The following CALN1 variants were observed in gnomAD, a reference collection of about 807,000 sequenced individuals.
The protein encoded by CALN1 is calneuron 1, also known as calcium-binding protein 8.
A neutral mutation model predicts 30.6 loss-of-function variants in CALN1; 17 were observed. The ratio of observed to expected loss-of-function variants is 0.56; its 90% CI spans 0.38 to 0.83. CALN1 has a LOEUF of 0.83. CALN1 is among the 40% of genes least tolerant of loss of function. The probability of loss-of-function intolerance (pLI) is 0.00; values close to 1 mark genes in which losing one functional copy is unlikely to be tolerated. For missense variants in CALN1, 291 were observed against 354.9 expected (o/e 0.82, Z 1.45); for synonymous variants, 156 against 131.4 (o/e 1.19, Z -1.28).
chr7:72,279,157 T>A (rs768221696), intron 2 of CALN1, among the ~76,000 whole-genome samples: 3 of 152,174 alleles, frequency 2.0e-5, no homozygotes, highest in Non-Finnish European at 4.4e-5. Context: ...CCCGATAAAT[T>A]CTCACTTGAT....
the CALN1 span, among the ~76,000 whole-genome samples, chr7:72,496,237 C>T: frequency 0.16 from 23,581 of 152,100 alleles, 2,022 homozygotes; most frequent in African/African-American, 0.21. Context: ...CCAATTCTTA[C>T]ACCTTTTCCT....
intron 1 of CALN1, among the ~76,000 whole-genome samples, chr7:72,439,433 T>C (rs1808278346): frequency 6.6e-6 from 1 of 152,148 alleles, no homozygotes; most frequent in Admixed American, 6.5e-5. Flanking sequence ...ATATGTTGTG[T>C]GTTACATGTA....
At chr7:71,905,263 A>G (rs548458785) in intron 5 of CALN1, among the ~76,000 whole-genome samples, 1 of 151,986 alleles carries the variant, frequency 6.6e-6, no homozygotes, top group Non-Finnish European at 1.5e-5. Flanking sequence ...TTAAAATTAT[A>G]TTTCAATAGC....
chr7:72,334,206 G>A (rs1237282817), intron 2 of CALN1, among the ~76,000 whole-genome samples: 6 of 152,154 alleles, frequency 3.9e-5, no homozygotes, highest in South Asian at 2.1e-4. Flanking sequence ...GGCTTTAAAC[G>A]TCCAAAGTCT....
chr7:72,393,186 G>T (rs549850447), intron 2 of CALN1, among the ~76,000 whole-genome samples: 1 of 152,042 alleles, frequency 6.6e-6, no homozygotes, highest in Non-Finnish European at 1.5e-5. Flanking sequence ...CTAGCACTCC[G>T]GCTGGGCGCA....
intron 3 of CALN1, among the ~76,000 whole-genome samples, chr7:72,242,709 G>T (rs530791827): frequency 3.3e-5 from 5 of 152,076 alleles, no homozygotes; most frequent in Non-Finnish European, 7.4e-5. Flanking sequence ...CCAACATGGT[G>T]AAACCCCATT....
At chr7:71,944,536 G>A (rs1299493304) in intron 5 of CALN1, among the ~76,000 whole-genome samples, 2 of 134,546 alleles carry the variant, frequency 1.5e-5, no homozygotes. Flanking sequence ...AGAGGTTGCA[G>A]TGAGCCGAAA....
chr7:72,106,093 G>T, intron 4 of CALN1, 58 bp downstream of exon 4: 1 of 1,582,198 alleles, frequency 6.3e-7, no homozygotes, highest in South Asian at 1.1e-5. Context: ...TAAACCGAAG[G>T]TCTCACTGAT....
intron 5 of CALN1, among the ~76,000 whole-genome samples, chr7:71,843,304 T>G (rs749070651): frequency 6.6e-6 from 1 of 152,132 alleles, no homozygotes; most frequent in Non-Finnish European, 1.5e-5. Flanking sequence ...ACTACATCAA[T>G]GCACTCATTG....
At chr7:72,486,476 A>AT in the CALN1 span, among the ~76,000 whole-genome samples, 1 of 152,008 alleles carries the variant, frequency 6.6e-6, no homozygotes, top group South Asian at 2.1e-4. Flanking sequence ...GGTTCAAGTG[A>AT]TTATCCTGCC....
At chr7:71,985,053 C>T (rs1798591569) in intron 5 of CALN1, among the ~76,000 whole-genome samples, 1 of 152,112 alleles carries the variant, frequency 6.6e-6, no homozygotes, top group Non-Finnish European at 1.5e-5. Context: ...CACTGAGTTA[C>T]TCCATGTAAG....
chr7:72,056,041 T>G lies in CALN1; in HGVS notation c.389-32272A>C, dbSNP rs139454298. ...TCTCAATTAAAAAATAAAAGACATT[T>G]AGGACCCATATGAAGAAACCTATAC... is the stretch of plus-strand genomic sequence containing the variant. On this transcript the variant is annotated intron_variant, in intron 4 of 6. Coordinates refer to ENST00000395275, the MANE Select transcript of CALN1 (RefSeq NM_031468.4). 2.6e-4 allele frequency among the ~76,000 whole-genome samples: 40 copies of G among 152,184 alleles called. No individual in the cohort carries two copies. The East Asian group carries it at 3.9e-3, about 15-fold the overall frequency.
intron 4 of CALN1, among the ~76,000 whole-genome samples, chr7:72,053,285 C>G (rs923002945): frequency 6.6e-6 from 1 of 152,118 alleles, no homozygotes; most frequent in Non-Finnish European, 1.5e-5. Flanking sequence ...CAGAGTACAC[C>G]AAAGACTCCC....
intron 4 of CALN1, among the ~76,000 whole-genome samples, chr7:72,038,128 C>T (rs1801913014): frequency 6.6e-6 from 1 of 152,056 alleles, no homozygotes; most frequent in Non-Finnish European, 1.5e-5. Flanking sequence ...GAACACACGT[C>T]CCTGATATTT....
chr7:71,973,428 G>T (rs576109579), intron 5 of CALN1, among the ~76,000 whole-genome samples: 1 of 152,106 alleles, frequency 6.6e-6, no homozygotes, highest in Non-Finnish European at 1.5e-5. Flanking sequence ...CATCCGTCTC[G>T]GCCTCCCAAA....
chr7:72,181,096 A>C (rs1554308576), intron 3 of CALN1, among the ~76,000 whole-genome samples: 25 of 74,570 alleles, frequency 3.4e-4, no homozygotes, highest in South Asian at 5.8e-4. Context: ...AAACTGCATA[A>C]CCCCCCCCCC....
rs1489826287 is a variant in CALN1 at position 72,249,960 on chromosome 7, AG to A, written c.244+28725del. Among the ~76,000 whole-genome samples the A allele has an allele frequency of 6.2e-3, 829 of 134,590 alleles. 6 individuals are homozygous for A. Among genetic ancestry groups the A allele is most frequent in the Middle Eastern group, 0.021 (5 of 238 alleles). 88.3% of individuals were successfully genotyped at this position (134,590 alleles called of 152,430 possible). On this transcript the variant is annotated intron_variant, in intron 3 of 6. Coordinates refer to ENST00000395275, the MANE Select transcript of CALN1 (RefSeq NM_031468.4). ...TCAAAACAAACCAAAAAAAAAAAAA[AG>A]AGAGAGAGAGAGAGAGAGAAATAGA...
At chr7:71,966,502 A>G (rs1797537419) in intron 5 of CALN1, among the ~76,000 whole-genome samples, 1 of 152,000 alleles carries the variant, frequency 6.6e-6, no homozygotes, top group African/African-American at 2.4e-5. Flanking sequence ...TGGTCATTTA[A>G]AAGTGTGTGG....
chr7:71,885,470 A>G (rs945648376), intron 5 of CALN1, among the ~76,000 whole-genome samples: 5 of 152,186 alleles, frequency 3.3e-5, no homozygotes, highest in Non-Finnish European at 7.3e-5. Context: ...TATTTCTTAA[A>G]TGTATTTGAT....
Sources: gnomAD v4.1 joint callset for allele counts (sites outside exome capture counted in the v4.1 genomes callset) on GRCh38, gnomAD v4.1.1 for gene constraint, MANE v1.5 for transcripts, NCBI Gene and HGNC (gene_info 2026-07-23, HGNC 2026-07-21) for gene names.